Variants in LUZP2 observed in about 807,000 individuals in gnomAD.
LUZP2 encodes the protein leucine zipper protein 2.
In LUZP2, 52 loss-of-function variants were observed where a neutral mutation model predicts 51.6. The observed-to-expected ratio is 1.01, with a 90% CI of 0.81 to 1.27. The LOEUF is 1.27. Among genes scored for constraint, LUZP2 ranks in the 50% most tolerant of loss-of-function variants. The probability of loss-of-function intolerance (pLI) is 0.00; values close to 1 mark genes in which losing one functional copy is unlikely to be tolerated. For missense variants in LUZP2, 436 were observed against 395.4 expected (o/e 1.10, Z -0.87); for synonymous variants, 154 against 137.3 (o/e 1.12, Z -0.85).
At chr11:24,984,549 T>TATATATATATGTATATATATATATATAA in intron 9 of LUZP2, among the ~76,000 whole-genome samples, 1 of 71,208 alleles carries the variant, frequency 1.4e-5, no homozygotes, top group African/African-American at 4.8e-5. Flanking sequence ...TATATATATA[T>TATATATATATGTATATATATATATATAA]AATTGTGAAT....
chr11:24,640,192 A>G (rs772343535), intron 1 of LUZP2, among the ~76,000 whole-genome samples: 43 of 151,902 alleles, frequency 2.8e-4, no homozygotes, highest in Non-Finnish European at 6.0e-4. Flanking sequence ...AGAATTTACA[A>G]CTGGTGTTTT....
chr11:24,541,169 C>T (rs1388423701), intron 1 of LUZP2, among the ~76,000 whole-genome samples: 2 of 147,402 alleles, frequency 1.4e-5, no homozygotes, highest in Non-Finnish European at 3.0e-5. Context: ...AGGAGAATTG[C>T]TTGAACCCGG....
At chr11:25,006,476 G>A (rs1856836826) in intron 9 of LUZP2, among the ~76,000 whole-genome samples, 1 of 152,170 alleles carries the variant, frequency 6.6e-6, no homozygotes, top group South Asian at 2.1e-4. Flanking sequence ...AAAAGTGGAA[G>A]CTGGTTCCAG....
At chr11:24,701,541 T>G (rs1857422344) in intron 1 of LUZP2, 1 of 157,952 alleles carries the variant, frequency 6.3e-6, no homozygotes, top group African/African-American at 2.4e-5. Flanking sequence ...CAGCGTCTGA[T>G]GAAGCCCGAG....
intron 1 of LUZP2, among the ~76,000 whole-genome samples, chr11:24,528,555 G>C (rs1036241479): frequency 4.0e-5 from 6 of 151,068 alleles, no homozygotes; most frequent in Non-Finnish European, 8.9e-5. Flanking sequence ...CGTGCACAAC[G>C]TACAGGTTTG....
In LUZP2 at chr11:24,785,898, G is replaced by A. The variant is rs1209026732; in HGVS notation, c.396+22590G>A. ...CCTAAAAATACTTTGTTCCAAATTG[G>A]CAGCAGTTATAACTAGCAGGAACTA... On this transcript the variant is annotated intron_variant, in intron 5 of 11. Coordinates refer to ENST00000336930, the MANE Select transcript of LUZP2 (RefSeq NM_001009909.4). The A allele has an allele frequency of 6.1e-6, 6 of 985,120 alleles. 1 individual carries two copies. In the East Asian group the frequency reaches 6.8e-4, roughly 112 times the overall value. 61.0% of individuals were successfully genotyped at this position (985,120 alleles called of 1,614,324 possible).
intron 1 of LUZP2, among the ~76,000 whole-genome samples, chr11:24,541,424 T>G (rs189246691): frequency 6.6e-6 from 1 of 152,258 alleles, no homozygotes; most frequent in East Asian, 1.9e-4. Flanking sequence ...ACTTGGTGAC[T>G]GTTGGCATCC....
At chr11:24,776,854 G>A (rs1371716235) in intron 5 of LUZP2, among the ~76,000 whole-genome samples, 4 of 152,112 alleles carry the variant, frequency 2.6e-5, no homozygotes, top group Non-Finnish European at 5.9e-5. Context: ...AATCCTCAGA[G>A]ATTCATCATT....
intron 4 of LUZP2, 110 bp downstream of exon 4, chr11:24,738,412 G>A (rs754470556): frequency 2.8e-6 from 2 of 707,728 alleles, no homozygotes; most frequent in Non-Finnish European, 4.9e-6. Context: ...AAAGTGAAAA[G>A]ACAATAAAAG....
chr11:24,999,689 A>G (rs976900336), intron 9 of LUZP2, among the ~76,000 whole-genome samples: 13 of 152,134 alleles, frequency 8.5e-5, no homozygotes, highest in African/African-American at 2.9e-4. Context: ...TAAGTGACAC[A>G]TGCAATGTTA....
intron 1 of LUZP2, among the ~76,000 whole-genome samples, chr11:24,722,754 T>C (rs568685343): frequency 6.6e-6 from 1 of 152,032 alleles, no homozygotes; most frequent in African/African-American, 2.4e-5. Context: ...CCATCTCTAC[T>C]GTAAATACAA....
At chr11:25,031,677 AT>A (rs934543916) in intron 9 of LUZP2, among the ~76,000 whole-genome samples, 29 of 150,962 alleles carry the variant, frequency 1.9e-4, no homozygotes, top group African/African-American at 5.8e-4. Flanking sequence ...CAGCTTTTAA[AT>A]TTTTTTTTGC....
chr11:24,985,140 A>G (rs1421682433), intron 9 of LUZP2, among the ~76,000 whole-genome samples: 1 of 151,758 alleles, frequency 6.6e-6, no homozygotes, highest in African/African-American at 2.4e-5. Flanking sequence ...ATTCAACTAC[A>G]TTGTTTTTCT....
intron 1 of LUZP2, among the ~76,000 whole-genome samples, chr11:24,661,390 T>G (rs917986863): frequency 1.3e-5 from 2 of 152,188 alleles, no homozygotes; most frequent in Non-Finnish European, 2.9e-5. Context: ...TGTGCCAACT[T>G]AGAAACGCAC....
chr11:25,073,273 C>T (rs906439589), intron 10 of LUZP2, among the ~76,000 whole-genome samples: 1 of 152,146 alleles, frequency 6.6e-6, no homozygotes, highest in Admixed American at 6.6e-5. Context: ...AGTTCAGGCC[C>T]ACTCAGGCTT....
At chr11:24,681,057 C>A (rs1281357755) in intron 1 of LUZP2, among the ~76,000 whole-genome samples, 1 of 151,478 alleles carries the variant, frequency 6.6e-6, no homozygotes, top group African/African-American at 2.4e-5. Flanking sequence ...TCTCGGCTCA[C>A]TGCAAGCTCC....
At chr11:25,073,849 A>C (rs1419188221) in intron 10 of LUZP2, among the ~76,000 whole-genome samples, 2 of 152,166 alleles carry the variant, frequency 1.3e-5, no homozygotes, top group African/African-American at 4.8e-5. Flanking sequence ...GAAAGAAAAA[A>C]AGGAACGATC....
chr11:24,636,247 A>G (rs539950566), intron 1 of LUZP2, among the ~76,000 whole-genome samples: 2 of 152,256 alleles, frequency 1.3e-5, no homozygotes, highest in South Asian at 2.1e-4. Flanking sequence ...CAGCCACAGC[A>G]TATTTATCAG....
At chr11:24,899,505 A>T (rs531562882) in intron 5 of LUZP2, among the ~76,000 whole-genome samples, 1 of 152,124 alleles carries the variant, frequency 6.6e-6, no homozygotes, top group East Asian at 1.9e-4. Context: ...TGAGAGAAAG[A>T]TATCGCCAGA....
Sources: allele counts gnomAD v4.1 joint callset (sites outside exome capture counted in the v4.1 genomes callset), GRCh38; gene constraint gnomAD v4.1.1; transcripts MANE v1.5; gene names NCBI Gene and HGNC (gene_info 2026-07-23, HGNC 2026-07-21).